The following GSTK1 variants were observed in gnomAD, a reference collection of about 807,000 sequenced individuals.
GSTK1 encodes the protein glutathione S-transferase kappa 1, also known as GST class-kappa.
Under a neutral mutation model 30.9 loss-of-function variants are expected in GSTK1, and 25 were observed. The observed-to-expected ratio is 0.81, with a 90% CI of 0.59 to 1.13. GSTK1 has a LOEUF of 1.13. Among genes scored for constraint, GSTK1 ranks in the 50% most tolerant of loss-of-function variants. GSTK1 has a pLI of 0.00. For missense variants in GSTK1, 292 were observed against 292.4 expected (o/e 1.00, Z 0.01); for synonymous variants, 108 against 112.5 (o/e 0.96, Z 0.25).
intron 2 of GSTK1, 40 bp downstream of exon 2, chr7:143,264,207 C>T: frequency 6.5e-7 from 1 of 1,547,504 alleles, no homozygotes; most frequent in Non-Finnish European, 8.9e-7. Context: ...TCTCAGTGGC[C>T]CAAGAGAGCC....
chr7:143,268,209 T>C lies in GSTK1; in HGVS notation c.631+25T>C, dbSNP rs1800938485. 3.2e-6 allele frequency: 5 copies of C among 1,586,872 alleles called. No individual in the cohort carries two copies. The South Asian group carries it at 3.3e-5, about 11-fold the overall frequency. On this transcript the variant is annotated intron_variant, in intron 7 of 7. Coordinates refer to ENST00000358406, the MANE Select transcript of GSTK1 (RefSeq NM_015917.3). The surrounding 1 kb of genome is among the most constrained non-coding windows in gnomAD (Gnocchi z 4.1). Reference sequence around the variant, plus strand: ...GGTAAGTAAGTTAAAGAATCAACCCTGAGCCAGGTGCAGTGGCTCACGCCT... The same window carrying C: ...GGTAAGTAAGTTAAAGAATCAACCCCGAGCCAGGTGCAGTGGCTCACGCCT...
intron 1 of GSTK1, 58 bp from the exon 2 acceptor site, chr7:143,264,028 C>T (rs1372764957): frequency 2.7e-6 from 4 of 1,493,718 alleles, no homozygotes; most frequent in Non-Finnish European, 3.7e-6. Context: ...CCCTTTCCCT[C>T]GGCTCTTTCA....
At chr7:143,266,218 A>T (rs985701971) in intron 5 of GSTK1, among the ~76,000 whole-genome samples, 20 of 151,468 alleles carry the variant, frequency 1.3e-4, no homozygotes, top group African/African-American at 4.9e-4. Context: ...TTTTGTAGAG[A>T]AGGGGTTTCA....
chr7:143,266,699 T>TG (rs1800891247), intron 5 of GSTK1, among the ~76,000 whole-genome samples: 1 of 145,816 alleles, frequency 6.9e-6, no homozygotes, highest in Non-Finnish European at 1.5e-5. Context: ...TCTTGCTTTG[T>TG]CACCCAGGCT....
intron 2 of GSTK1, 53 bp from the exon 3 acceptor site, chr7:143,264,495 C>T: frequency 6.2e-7 from 1 of 1,602,174 alleles, no homozygotes; most frequent in Middle Eastern, 1.7e-4. Context: ...GGTCCCCAAA[C>T]CTGGGACCCT....
Position 143,268,693 on chromosome 7 carries a change from G to T in GSTK1, c.632-95G>T. The T allele has an allele frequency of 9.1e-7, 1 of 1,101,508 alleles. No homozygotes were observed. Among genetic ancestry groups the T allele is most frequent in the Non-Finnish European group, 1.4e-6 (1 of 721,680 alleles). 68.2% of individuals were successfully genotyped at this position (1,101,508 alleles called of 1,614,324 possible). Reference sequence around the variant, plus strand: ...TTCTATACCTTGAAGCCAAGCAAAAGTCTTTCTAGAAAACCCCTGGGACCT... The same window carrying T: ...TTCTATACCTTGAAGCCAAGCAAAATTCTTTCTAGAAAACCCCTGGGACCT... On this transcript the variant is annotated intron_variant, in intron 7 of 7. Coordinates refer to ENST00000358406, the MANE Select transcript of GSTK1 (RefSeq NM_015917.3). The surrounding 1 kb of genome is among the most constrained non-coding windows in gnomAD (Gnocchi z 4.1).
intron 1 of GSTK1, 57 bp downstream of exon 1, chr7:143,263,642 G>A (rs1800777737): frequency 3.3e-6 from 5 of 1,502,500 alleles, no homozygotes; most frequent in Non-Finnish European, 9.2e-7. Flanking sequence ...GGAGGGAAGA[G>A]TGAGCGCAGG....
At chr7:143,265,712 C>T (rs1800855780) in intron 5 of GSTK1, among the ~76,000 whole-genome samples, 2 of 151,978 alleles carry the variant, frequency 1.3e-5, no homozygotes, top group Non-Finnish European at 2.9e-5. Flanking sequence ...ATAACTAATG[C>T]CAGGGTTATA....
Position 143,263,509 on chromosome 7 carries a change from G to A in GSTK1, c.-5G>A. 1 of 1,609,430 alleles carries A rather than the reference G, an allele frequency of 6.2e-7. No individual in the cohort carries two copies. On this transcript the variant is annotated 5_prime_UTR_variant, in exon 1 of 8. Transcript: ENST00000358406. ...TGCTGCCACTGCTCTTCCGGAGCCT[G>A]CAGCATGGGGCCCCTGCCGCGCACC...
At position 143,263,525 on chromosome 7, in the gene GSTK1, G is replaced by A. The variant is rs143917900; in HGVS notation, c.12G>A (p.Leu4=). MGP[L]PRTVELFYDV... ...CCGGAGCCTGCAGCATGGGGCCCCT[G>A]CCGCGCACCGTGGAGCTCTTCTATG... Residue 4 remains leucine (L), a synonymous_variant, in exon 1 of 8, where the codon CTG becomes CTA. Coordinates refer to ENST00000358406, the MANE Select transcript of GSTK1 (RefSeq NM_015917.3). 4.3e-6 allele frequency: 7 copies of A among 1,610,350 alleles called. No homozygotes were observed. Among genetic ancestry groups the A allele is most frequent in the East Asian group, 4.5e-5 (2 of 44,876 alleles).
Position 143,268,010 on chromosome 7 carries a change from A to C in GSTK1, c.538-81A>C. On this transcript the variant is annotated intron_variant, in intron 6 of 7. Transcript: ENST00000358406. The surrounding 1 kb of genome is among the most constrained non-coding windows in gnomAD (Gnocchi z 4.1). ...CCTCTTTGCTTCTGTGAACTCAGAA[A>C]AGTACTGACTCAAAGGTTTCAACCC... The C allele has an allele frequency of 3.7e-6, 4 of 1,077,202 alleles. No homozygotes were observed. The highest frequency in any genetic ancestry group is 5.5e-6 in the Non-Finnish European group (4 of 727,544). 66.7% of individuals were successfully genotyped at this position (1,077,202 alleles called of 1,614,324 possible). A position where few individuals can be genotyped will look rare whatever the true frequency, so the allele number is the denominator to read the frequency against.
In GSTK1 at chr7:143,268,078, C is replaced by A. The variant is rs200767182; in HGVS notation, c.538-13C>A. The A allele has an allele frequency of 1.8e-5, 29 of 1,605,070 alleles. No homozygotes were observed. The highest frequency in any genetic ancestry group is 2.4e-5 in the Non-Finnish European group (28 of 1,174,304). On this transcript the variant is annotated splice_polypyrimidine_tract_variant and intron_variant, in intron 6 of 7. Coordinates refer to ENST00000358406, the MANE Select transcript of GSTK1 (RefSeq NM_015917.3). This position sits in a 1 kb window ranked among gnomAD's most constrained non-coding sequence, Gnocchi z 4.1. ...CTTTGCCTTCCTCCTTGCATTGTAA[C>A]TGCTTTCTCCAGGCCTTTGGGCTGC... is the stretch of plus-strand genomic sequence containing the variant.
At chr7:143,264,865 C>A in intron 3 of GSTK1, 127 bp from the exon 4 acceptor site, 1 of 1,257,484 alleles carries the variant, frequency 8.0e-7, no homozygotes, top group Non-Finnish European at 1.1e-6. Flanking sequence ...GCAAATAGGT[C>A]ATGGGAACCT....
intron 2 of GSTK1, 75 bp downstream of exon 2, chr7:143,264,242 C>A: frequency 7.8e-7 from 1 of 1,282,988 alleles, no homozygotes; most frequent in Non-Finnish European, 1.1e-6. Context: ...CTTATATTGG[C>A]ACTGGCAGCC....
intron 1 of GSTK1, 68 bp from the exon 2 acceptor site, chr7:143,264,018 C>A: frequency 7.0e-7 from 1 of 1,429,020 alleles, no homozygotes; most frequent in Non-Finnish European, 9.9e-7. Context: ...CGCCTCCCTT[C>A]CCTTTCCCTC....
At chr7:143,265,931 T>C (rs1245892946) in intron 5 of GSTK1, among the ~76,000 whole-genome samples, 2 of 151,910 alleles carry the variant, frequency 1.3e-5, no homozygotes, top group East Asian at 3.9e-4. Context: ...GTATAAGGAA[T>C]GGCAAATATA....
chr7:143,265,088 CA>C lies in GSTK1; in HGVS notation c.382del (p.Arg128GlyfsTer37). 1 of 1,614,122 alleles carries C rather than the reference CA, an allele frequency of 6.2e-7. No individual in the cohort carries two copies. Among genetic ancestry groups the C allele is most frequent in the Non-Finnish European group, 8.5e-7 (1 of 1,180,020 alleles). ...ASRELWMRVWSRNEDITEPQS... is the reference protein window; with the variant it reads ...ASRELWMRVWXRNEDITEPQS... ...CGGGAGCTGTGGATGCGCGTCTGGT[CA>C]AGGGTGAGTGTGGGGCTCTGGGAAT... is the stretch of plus-strand genomic sequence containing the variant. On this transcript the variant is annotated frameshift_variant, in exon 4 of 8. Transcript: ENST00000358406. LOFTEE classifies it high-confidence loss of function.
At chr7:143,264,777 T>C in intron 3 of GSTK1, 101 bp downstream of exon 3, 1 of 1,497,942 alleles carries the variant, frequency 6.7e-7, no homozygotes, top group Non-Finnish European at 9.2e-7. Flanking sequence ...CTAAAGCAAG[T>C]GAAGCCTGCC....
chr7:143,268,782 A>G lies in GSTK1; in HGVS notation c.632-6A>G. On this transcript the variant is annotated splice_region_variant and splice_polypyrimidine_tract_variant and intron_variant, in intron 7 of 7. Transcript: ENST00000358406. The surrounding 1 kb of genome is among the most constrained non-coding windows in gnomAD (Gnocchi z 4.1). ...GTGTGCAGAGTCTGTTGTTTTCTTC[A>G]TCCAGGAGAGAAGTGGATGGGCCCT... The G allele has an allele frequency of 1.2e-6, 2 of 1,613,868 alleles. No homozygotes were observed. Among genetic ancestry groups the G allele is most frequent in the African/African-American group, 1.3e-5 (1 of 75,020 alleles).
Sources: allele counts gnomAD v4.1 joint callset (sites outside exome capture counted in the v4.1 genomes callset), GRCh38; gene constraint gnomAD v4.1.1; non-coding constraint Gnocchi (gnomAD v3.1); transcripts MANE v1.5; gene names NCBI Gene and HGNC (gene_info 2026-07-23, HGNC 2026-07-21).